UGGT2: variants seen among roughly 807,000 people sequenced by gnomAD.
UGGT2 encodes UDP-glucose:glycoprotein glucosyltransferase 2.
Under a neutral mutation model 192.1 loss-of-function variants are expected in UGGT2, and 180 were observed. The ratio of observed to expected loss-of-function variants is 0.94; its 90% CI spans 0.83 to 1.06. UGGT2 has a LOEUF of 1.06. UGGT2 is among the 50% of genes least tolerant of loss of function. The probability of loss-of-function intolerance (pLI) is 0.00; values close to 1 mark genes in which losing one functional copy is unlikely to be tolerated. For synonymous variants in UGGT2, 580 were observed against 591.0 expected (o/e 0.98, Z 0.27); for missense variants, 1,849 against 1,795.7 (o/e 1.03, Z -0.54).
chr13:95,870,780 T>C (rs959365255), intron 29 of UGGT2, among the ~76,000 whole-genome samples: 11 of 152,198 alleles, frequency 7.2e-5, no homozygotes, highest in Non-Finnish European at 4.4e-5. Flanking sequence ...CCAAAACTCA[T>C]GTTGAAATTG....
Position 95,972,732 on chromosome 13 carries a change from G to A in UGGT2, c.1093-61C>T, listed in dbSNP as rs568703556. ...AGAACAATAGTGACCTATATTAGGG[G>A]TCACCATATTATTTCTATAAAGAGT... On this transcript the variant is annotated intron_variant, in intron 10 of 38. Transcript: ENST00000376747. The A allele has an allele frequency of 1.8e-4, 219 of 1,240,898 alleles. No homozygotes were observed. The Middle Eastern group carries it at 3.7e-3, about 21-fold the overall frequency. The allele number at this position is 1,240,898 out of a possible 1,614,324, so 76.9% of individuals were successfully genotyped here. A position where few individuals can be genotyped will look rare whatever the true frequency, so the allele number is the denominator to read the frequency against.
chr13:95,829,003 G>C (rs1348759845), intron 38 of UGGT2, among the ~76,000 whole-genome samples: 1 of 152,108 alleles, frequency 6.6e-6, no homozygotes, highest in Non-Finnish European at 1.5e-5. Flanking sequence ...TGGAATGCAA[G>C]GCTGGTTCAA....
At chr13:95,809,561 G>T in intron 38 of UGGT2, 1 of 307,450 alleles carries the variant, frequency 3.3e-6, no homozygotes. Context: ...CTCCTCTCAT[G>T]AGCTACTCCT....
intron 5 of UGGT2, among the ~76,000 whole-genome samples, chr13:96,005,411 G>A (rs765795101): frequency 6.6e-6 from 1 of 152,174 alleles, no homozygotes; most frequent in Non-Finnish European, 1.5e-5. Flanking sequence ...AGGGAAGACT[G>A]GGGAAGGTCC....
chr13:95,958,443 G>A (rs540930743), intron 12 of UGGT2, among the ~76,000 whole-genome samples: 128 of 152,302 alleles, frequency 8.4e-4, no homozygotes, highest in African/African-American at 2.9e-3. Context: ...AAGCCTCCAC[G>A]CCTGGCCAAA....
At position 95,903,909 on chromosome 13, in the gene UGGT2, T is replaced by C. The variant is rs567783846; in HGVS notation, c.2296-849A>G. On this transcript the variant is annotated intron_variant, in intron 20 of 38. Coordinates refer to ENST00000376747, the MANE Select transcript of UGGT2 (RefSeq NM_020121.4). ...TTTTAATTTAAATCATTCTCGTACA[T>C]ATGTAAAGATATCTCATCAGGGTTT... 2.6e-5 allele frequency among the ~76,000 whole-genome samples: 4 copies of C among 152,358 alleles called. No homozygotes were observed. In the South Asian group the frequency reaches 8.3e-4, roughly 32 times the overall value.
chr13:95,880,042 A>G (rs2047449910), intron 27 of UGGT2, among the ~76,000 whole-genome samples: 1 of 152,146 alleles, frequency 6.6e-6, no homozygotes, highest in Non-Finnish European at 1.5e-5. Context: ...CCCTTCCCCT[A>G]GCCCTCTGGC....
At chr13:95,837,319 T>C in intron 36 of UGGT2, 117 bp from the exon 37 acceptor site, 1 of 720,018 alleles carries the variant, frequency 1.4e-6, no homozygotes, top group Admixed American at 2.2e-5. Flanking sequence ...TATGCAAATC[T>C]GAGATTTCTC....
intron 29 of UGGT2, among the ~76,000 whole-genome samples, chr13:95,868,834 G>A (rs181607032): frequency 3.8e-3 from 575 of 152,040 alleles, no homozygotes; most frequent in Non-Finnish European, 6.9e-3. Flanking sequence ...ACTTCCATCA[G>A]GTAGCAGAGG....
intron 5 of UGGT2, among the ~76,000 whole-genome samples, chr13:96,005,701 G>C (rs535443162): frequency 1.3e-5 from 2 of 152,292 alleles, no homozygotes; most frequent in African/African-American, 2.4e-5. Flanking sequence ...AGTATGCCTA[G>C]AAAGGAAACT....
intron 27 of UGGT2, among the ~76,000 whole-genome samples, chr13:95,879,640 T>C (rs2047436419): frequency 6.6e-6 from 1 of 152,194 alleles, no homozygotes; most frequent in Non-Finnish European, 1.5e-5. Flanking sequence ...TTTCACCATG[T>C]GGGCCAGGCT....
chr13:95,983,941 A>G, intron 9 of UGGT2, 77 bp from the exon 10 acceptor site: 1 of 915,234 alleles, frequency 1.1e-6, no homozygotes, highest in Middle Eastern at 2.5e-4. Flanking sequence ...ATGTAATCTA[A>G]TACTTTGGAT....
In UGGT2 at chr13:96,026,527, T is replaced by C. The variant is rs1405953145; in HGVS notation, c.242-2768A>G. ...ACATTTCTACTCCTGGCATACAAAA[T>C]AGACATTCAATAAATTTCTTTAATA... On this transcript the variant is annotated intron_variant, in intron 2 of 38. Coordinates refer to ENST00000376747, the MANE Select transcript of UGGT2 (RefSeq NM_020121.4). Among the ~76,000 whole-genome samples, 10 of 152,058 alleles carry C rather than the reference T, an allele frequency of 6.6e-5. No individual in the cohort carries two copies. In the East Asian group the frequency reaches 1.4e-3, roughly 21 times the overall value.
At chr13:95,811,056 T>G (rs1338785726) in intron 38 of UGGT2, among the ~76,000 whole-genome samples, 2 of 152,198 alleles carry the variant, frequency 1.3e-5, no homozygotes, top group Non-Finnish European at 2.9e-5. Context: ...CACAGTGAGA[T>G]ACTACTTCTC....
intron 12 of UGGT2, among the ~76,000 whole-genome samples, chr13:95,969,152 C>T (rs1282497078): frequency 3.3e-5 from 5 of 152,182 alleles, no homozygotes; most frequent in African/African-American, 2.4e-5. Context: ...CATGATGGAT[C>T]GTCTCTCACA....
At position 95,837,106 on chromosome 13, in the gene UGGT2, T is replaced by C. The variant is rs1359637169; in HGVS notation, c.4381A>G (p.Arg1461Gly). The change falls in exon 37 of 39, where the codon AGA (arginine) becomes GGA (glycine). Residue 1461 changes from arginine to glycine, a missense_variant. Coordinates refer to ENST00000376747, the MANE Select transcript of UGGT2 (RefSeq NM_020121.4). ...ETWCDDESKQ[R>G]AKTIDLCNNP... is the part of the protein sequence containing the mutation. ...CTCACCAGATCAATTGTTTTGGCTCTTTGTTTGGATTCATCATCACACCAG... is the reference window on the plus strand; with the variant it reads ...CTCACCAGATCAATTGTTTTGGCTCCTTGTTTGGATTCATCATCACACCAG... 1 of 1,613,768 alleles carries C rather than the reference T, an allele frequency of 6.2e-7. No individual in the cohort carries two copies. Among genetic ancestry groups the C allele is most frequent in the Non-Finnish European group, 8.5e-7 (1 of 1,179,658 alleles).
At chr13:96,007,875 G>A (rs1262598547) in intron 5 of UGGT2, among the ~76,000 whole-genome samples, 1 of 151,950 alleles carries the variant, frequency 6.6e-6, no homozygotes, top group Non-Finnish European at 1.5e-5. Context: ...AGAGAACTCA[G>A]ATGTAAATCT....
At chr13:95,820,153 A>AAAAAT (rs111839298) in intron 38 of UGGT2, among the ~76,000 whole-genome samples, 1 of 151,228 alleles carries the variant, frequency 6.6e-6, no homozygotes, top group Non-Finnish European at 1.5e-5. Flanking sequence ...ACTGTCTCAA[A>AAAAAT]AAATAAATAA....
intron 20 of UGGT2, among the ~76,000 whole-genome samples, chr13:95,917,024 T>C (rs921724512): frequency 2.0e-5 from 3 of 152,080 alleles, no homozygotes; most frequent in African/African-American, 7.2e-5. Context: ...AAAGACAACA[T>C]TTAAATTCAG....
Sources: allele counts gnomAD v4.1 joint callset (sites outside exome capture counted in the v4.1 genomes callset), GRCh38; gene constraint gnomAD v4.1.1; transcripts MANE v1.5; gene names NCBI Gene and HGNC (gene_info 2026-07-23, HGNC 2026-07-21).